Variants in TMEM196 observed in about 807,000 individuals in gnomAD.
TMEM196 encodes the protein transmembrane protein 196.
TMEM196 carries 17 observed loss-of-function variants against 20.0 expected under a neutral mutation model. That is an observed-to-expected ratio of 0.85 (90% confidence interval 0.58 to 1.27). The LOEUF is 1.27. Ranked by LOEUF, TMEM196 falls within the 50% of genes most tolerant of loss-of-function variation. TMEM196 has a pLI of 0.00. For missense variants in TMEM196, 267 were observed against 223.0 expected, an observed-to-expected ratio of 1.20 and a Z score of -1.26; for synonymous variants, 113 against 88.9, an observed-to-expected ratio of 1.27 and a Z score of -1.52.
At chr7:19,746,068 T>C (rs1237852585) in intron 1 of TMEM196, among the ~76,000 whole-genome samples, 3 of 152,130 alleles carry the variant, frequency 2.0e-5, no homozygotes, top group Non-Finnish European at 2.9e-5. Context: ...CTACTAAAAG[T>C]TCTGTTCTTT....
chr7:19,752,697 C>G (rs1014525408), intron 1 of TMEM196, among the ~76,000 whole-genome samples: 54 of 151,962 alleles, frequency 3.6e-4, no homozygotes, highest in African/African-American at 1.2e-3. Context: ...TTAGTGCAAC[C>G]TCCGCCTCCC....
intron 1 of TMEM196, among the ~76,000 whole-genome samples, chr7:19,735,537 T>C (rs970755496): frequency 2.0e-5 from 3 of 152,178 alleles, no homozygotes; most frequent in Non-Finnish European, 4.4e-5. Flanking sequence ...TTCTTTTCTG[T>C]ACAAGAAAGT....
At chr7:19,754,879 T>G (rs1353837281) in intron 1 of TMEM196, among the ~76,000 whole-genome samples, 1 of 152,236 alleles carries the variant, frequency 6.6e-6, no homozygotes, top group African/African-American at 2.4e-5. Context: ...CCCACTCATT[T>G]TTAGCAGGCA....
At chr7:19,722,733 A>G (rs1209048505) in intron 4 of TMEM196, among the ~76,000 whole-genome samples, 3 of 152,186 alleles carry the variant, frequency 2.0e-5, no homozygotes, top group Admixed American at 6.5e-5. Context: ...TAAAAAGTTA[A>G]TAAGTAAAAC....
intron 1 of TMEM196, among the ~76,000 whole-genome samples, chr7:19,731,301 C>T (rs909424174): frequency 3.3e-5 from 5 of 152,148 alleles, no homozygotes; most frequent in African/African-American, 1.2e-4. Context: ...TGAATACTTG[C>T]ATAATTTTCA....
chr7:19,743,106 A>C (rs552885638), intron 1 of TMEM196, among the ~76,000 whole-genome samples: 117 of 152,176 alleles, frequency 7.7e-4, no homozygotes, highest in African/African-American at 2.8e-3. Context: ...TTTGTCTTTG[A>C]GAGGCTCATT....
intron 2 of TMEM196, among the ~76,000 whole-genome samples, chr7:19,726,455 C>G (rs933548186): frequency 1.3e-5 from 2 of 152,176 alleles, no homozygotes; most frequent in African/African-American, 4.8e-5. Context: ...TTTAGGGACT[C>G]CTATGAACTG....
At chr7:19,755,249 G>A (rs1419924067) in intron 1 of TMEM196, among the ~76,000 whole-genome samples, 1 of 152,042 alleles carries the variant, frequency 6.6e-6, no homozygotes, top group Non-Finnish European at 1.5e-5. Flanking sequence ...ATACTTTTTG[G>A]TAATTATTAA....
At chr7:19,754,771 G>T (rs1785135431) in intron 1 of TMEM196, among the ~76,000 whole-genome samples, 1 of 152,058 alleles carries the variant, frequency 6.6e-6, no homozygotes, top group African/African-American at 2.4e-5. Context: ...AATTCTCTGG[G>T]CTTCATCTTC....
At chr7:19,764,761 G>C (rs1785558724) in intron 1 of TMEM196, among the ~76,000 whole-genome samples, 2 of 152,132 alleles carry the variant, frequency 1.3e-5, no homozygotes, top group Admixed American at 1.3e-4. Flanking sequence ...TATCTTAGAT[G>C]CAAAATTCTG....
rs1336115023 is a variant in TMEM196 at position 19,725,655 on chromosome 7, G to A, written c.318C>T (p.Ala106=). 22 of 1,614,152 alleles carry A rather than the reference G, an allele frequency of 1.4e-5. No homozygotes were observed. Among genetic ancestry groups the A allele is most frequent in the Non-Finnish European group, 1.9e-5 (22 of 1,180,006 alleles). The change falls in exon 3 of 5, where the codon GCC becomes GCT. Residue 106 remains alanine (A), a synonymous_variant. Coordinates refer to ENST00000405844, the MANE Select transcript of TMEM196 (RefSeq NM_001363562.2). The stretch of plus-strand genomic sequence containing the variant: ...TCCCAATGCACGCGAGAGACATGGA[G>A]GCAAGGTGCAGTGGGTATAGGGAGG... ...KTSSLYPLHL[A]SMSLACIGIG...
intron 1 of TMEM196, among the ~76,000 whole-genome samples, chr7:19,757,516 C>T (rs1366158409): frequency 6.6e-6 from 1 of 151,948 alleles, no homozygotes; most frequent in Non-Finnish European, 1.5e-5. Context: ...GCTGGGATTA[C>T]AAGCATGAGC....
rs559837725 is a variant in TMEM196 at position 19,732,912 on chromosome 7, A to G, written c.148-3474T>C. ...CTTACCCACATCATGGCAATTATTA[A>G]GCAAGTAAAAAACAAATTAGCTAAA... On this transcript the variant is annotated intron_variant, in intron 1 of 4. Coordinates refer to ENST00000405844, the MANE Select transcript of TMEM196 (RefSeq NM_001363562.2). 4.5e-4 allele frequency among the ~76,000 whole-genome samples: 69 copies of G among 152,342 alleles called. 1 individual carries two copies. In the South Asian group the frequency reaches 0.014, roughly 32 times the overall value.
At chr7:19,723,073 A>G (rs772871858) in intron 4 of TMEM196, among the ~76,000 whole-genome samples, 12 of 152,282 alleles carry the variant, frequency 7.9e-5, no homozygotes, top group Admixed American at 2.0e-4. Flanking sequence ...TTTTATTTCT[A>G]TATCTATTTC....
intron 2 of TMEM196, among the ~76,000 whole-genome samples, chr7:19,728,885 A>G (rs1193228829): frequency 6.6e-6 from 1 of 152,240 alleles, no homozygotes; most frequent in Admixed American, 6.5e-5. Flanking sequence ...TCACAGTAAT[A>G]AAAGAAAATA....
intron 1 of TMEM196, among the ~76,000 whole-genome samples, chr7:19,764,503 A>C (rs936844272): frequency 2.0e-5 from 3 of 152,148 alleles, no homozygotes; most frequent in Non-Finnish European, 4.4e-5. Context: ...CCTCTTCTCC[A>C]TGACTTTACA....
chr7:19,731,359 G>C (rs1209771974), intron 1 of TMEM196, among the ~76,000 whole-genome samples: 1 of 152,160 alleles, frequency 6.6e-6, no homozygotes, highest in African/African-American at 2.4e-5. Flanking sequence ...ACCACCCACT[G>C]TGTCCTAAGT....
intron 1 of TMEM196, among the ~76,000 whole-genome samples, chr7:19,755,308 C>T (rs1785163092): frequency 1.3e-5 from 2 of 152,258 alleles, no homozygotes; most frequent in Admixed American, 1.3e-4. Context: ...TGGTCGACTG[C>T]TATTAAAATA....
intron 3 of TMEM196, among the ~76,000 whole-genome samples, chr7:19,724,857 A>G (rs1390107726): frequency 6.6e-6 from 1 of 152,170 alleles, no homozygotes; most frequent in Non-Finnish European, 1.5e-5. Flanking sequence ...ATATGTGCAA[A>G]ATGTAATAGA....
Sources: gnomAD v4.1 joint callset for allele counts (sites outside exome capture counted in the v4.1 genomes callset) on GRCh38, gnomAD v4.1.1 for gene constraint, MANE v1.5 for transcripts, NCBI Gene and HGNC (gene_info 2026-07-23, HGNC 2026-07-21) for gene names.